The following CCDC158 variants were observed in gnomAD, a reference collection of about 807,000 sequenced individuals.
CCDC158 encodes the protein coiled-coil domain containing 158, also known as coiled-coil domain-containing protein 158.
In CCDC158, 116 loss-of-function variants were observed where a neutral mutation model predicts 138.6. The observed-to-expected ratio is 0.84, with a 90% confidence interval of 0.72 to 0.98. The LOEUF (loss-of-function observed/expected upper bound fraction) is 0.98, where lower values mean the gene tolerates loss of function less well. Ranked by LOEUF, CCDC158 falls within the 50% of genes least tolerant of loss-of-function variation. CCDC158 has a pLI of 0.00. For synonymous variants in CCDC158, 436 were observed against 442.4 expected, an observed-to-expected ratio of 0.99 and a Z score of 0.18; for missense variants, 1,265 against 1,306.1, an observed-to-expected ratio of 0.97 and a Z score of 0.48.
At chr4:76,326,075 C>A in intron 22 of CCDC158, 60 bp from the exon 23 acceptor site, 1 of 1,367,144 alleles carries the variant, frequency 7.3e-7, no homozygotes, top group Non-Finnish European at 1.0e-6. Flanking sequence ...GCAAACTGCA[C>A]CTCTCAAAAA....
chr4:76,330,314 A>C (rs1179686419), intron 21 of CCDC158, among the ~76,000 whole-genome samples: 1 of 152,208 alleles, frequency 6.6e-6, no homozygotes, highest in Non-Finnish European at 1.5e-5. Context: ...TTCATTTCTA[A>C]GGGAAAATAA....
At position 76,367,564 on chromosome 4, in the gene CCDC158, T is replaced by C; in HGVS notation, c.1560A>G (p.Thr520=). Residue 520 remains threonine, a synonymous_variant, in exon 12 of 25, where the codon ACA becomes ACG. Transcript: ENST00000682701. Reference sequence around the variant, plus strand: ...TCAAGTCCACCCGGGAGCGGAGCTTTGTGATCTCTGCATTGGTAGCCTCGA... The same window carrying C: ...TCAAGTCCACCCGGGAGCGGAGCTTCGTGATCTCTGCATTGGTAGCCTCGA... ...RAIEATNAEI[T]KLRSRVDLKL... The C allele has an allele frequency of 1.9e-6, 3 of 1,614,232 alleles. No homozygotes were observed. The highest frequency in any genetic ancestry group is 2.5e-6 in the Non-Finnish European group (3 of 1,180,038).
Position 76,372,589 on chromosome 4 carries a change from A to G in CCDC158, c.1030-1053T>C, listed in dbSNP as rs547560581. On this transcript the variant is annotated intron_variant, in intron 9 of 24. Coordinates refer to ENST00000682701, the MANE Select transcript of CCDC158 (RefSeq NM_001394954.1). Reference sequence around the variant, plus strand: ...GAATATAAAAGAATGAATGGTAACAAGTTATTAGCTATTGTCATTATTTTA... The same window carrying G: ...GAATATAAAAGAATGAATGGTAACAGGTTATTAGCTATTGTCATTATTTTA... Among the ~76,000 whole-genome samples the G allele has an allele frequency of 2.6e-4, 40 of 152,364 alleles. No homozygotes were observed. In the Middle Eastern group the frequency reaches 0.01, roughly 39 times the overall value.
intron 4 of CCDC158, among the ~76,000 whole-genome samples, chr4:76,391,442 A>G (rs970878285): frequency 2.0e-5 from 3 of 152,058 alleles, no homozygotes; most frequent in Admixed American, 1.3e-4. Context: ...GAGTCAATGA[A>G]GAAATTAAGA....
At chr4:76,347,610 G>A (rs1722682025) in intron 18 of CCDC158, among the ~76,000 whole-genome samples, 2 of 152,120 alleles carry the variant, frequency 1.3e-5, no homozygotes, top group Admixed American at 1.3e-4. Flanking sequence ...TAATGTAGAT[G>A]ACGGGTTGAT....
Position 76,323,422 on chromosome 4 carries a change from T to A in CCDC158, c.3170-13A>T. On this transcript the variant is annotated splice_polypyrimidine_tract_variant and intron_variant, in intron 23 of 24. Coordinates refer to ENST00000682701, the MANE Select transcript of CCDC158 (RefSeq NM_001394954.1). The stretch of plus-strand genomic sequence containing the variant: ...GGAGACTGTGAATCTATTAGAAAAT[T>A]GCTTAGATGTGATATTAAAAGTCTA... 6.3e-7 allele frequency: 1 copy of A among 1,577,112 alleles called. No homozygotes were observed. Among genetic ancestry groups the A allele is most frequent in the Non-Finnish European group, 8.7e-7 (1 of 1,152,654 alleles).
intron 24 of CCDC158, among the ~76,000 whole-genome samples, chr4:76,323,010 A>C (rs1472249791): frequency 6.6e-6 from 1 of 152,190 alleles, no homozygotes; most frequent in African/African-American, 2.4e-5. Context: ...GGTGTGTGGG[A>C]AAGTCCCATG....
At chr4:76,330,923 G>GA (rs1420469016) in intron 21 of CCDC158, among the ~76,000 whole-genome samples, 1 of 152,094 alleles carries the variant, frequency 6.6e-6, no homozygotes, top group Admixed American at 6.6e-5. Flanking sequence ...GAGACAGTAT[G>GA]AAAATATTTA....
At chr4:76,346,587 G>A (rs28863531) in intron 18 of CCDC158, among the ~76,000 whole-genome samples, 4,027 of 152,272 alleles carry the variant, frequency 0.026, 177 homozygotes, top group African/African-American at 0.092. Flanking sequence ...GCACGTGCCT[G>A]TAGTCCCAGC....
intron 18 of CCDC158, among the ~76,000 whole-genome samples, chr4:76,335,970 A>G (rs867943921): frequency 6.6e-6 from 1 of 151,810 alleles, no homozygotes; most frequent in Non-Finnish European, 1.5e-5. Context: ...TCACGAGGTC[A>G]GGAGATTGAG....
At chr4:76,328,018 T>A (rs557465577) in intron 22 of CCDC158, among the ~76,000 whole-genome samples, 39 of 152,164 alleles carry the variant, frequency 2.6e-4, no homozygotes, top group Non-Finnish European at 5.1e-4. Flanking sequence ...TTCAGTCACA[T>A]CTATTTTATT....
At chr4:76,343,228 T>A (rs563810552) in intron 18 of CCDC158, among the ~76,000 whole-genome samples, 91 of 152,252 alleles carry the variant, frequency 6.0e-4, no homozygotes, top group African/African-American at 2.0e-3. Context: ...GAATAAGAGA[T>A]CCCTCTTTAG....
chr4:76,399,573 G>A (rs1351812317), intron 3 of CCDC158, among the ~76,000 whole-genome samples: 1 of 152,202 alleles, frequency 6.6e-6, no homozygotes, highest in East Asian at 1.9e-4. Flanking sequence ...AATACTGGGA[G>A]CAAAAGCTGT....
intron 10 of CCDC158, among the ~76,000 whole-genome samples, chr4:76,371,014 G>A (rs1725184515): frequency 1.3e-5 from 2 of 152,154 alleles, no homozygotes; most frequent in African/African-American, 4.8e-5. Context: ...GCTTCATTAT[G>A]AGCACAATCA....
At chr4:76,313,515 C>T (rs1330838303) in intron 24 of CCDC158, among the ~76,000 whole-genome samples, 1 of 152,142 alleles carries the variant, frequency 6.6e-6, no homozygotes, top group African/African-American at 2.4e-5. Flanking sequence ...GTCTAAGACT[C>T]CTGGCCTCAA....
intron 9 of CCDC158, chr4:76,375,265 AC>A: frequency 6.0e-6 from 2 of 333,552 alleles, no homozygotes; most frequent in Non-Finnish European, 1.1e-5. Flanking sequence ...GGTTTGGATC[AC>A]TGGACAAATG....
intron 22 of CCDC158, 44 bp from the exon 23 acceptor site, chr4:76,326,059 A>C (rs1464030201): frequency 6.6e-7 from 1 of 1,516,964 alleles, no homozygotes; most frequent in Non-Finnish European, 9.0e-7. Flanking sequence ...GAATTAATTA[A>C]AAATAGCAAA....
intron 18 of CCDC158, among the ~76,000 whole-genome samples, chr4:76,340,968 T>C (rs2110132962): frequency 6.6e-6 from 1 of 152,228 alleles, no homozygotes; most frequent in Non-Finnish European, 1.5e-5. Flanking sequence ...GGGTAAAACT[T>C]GTACAGCTTT....
At chr4:76,419,712 C>G (rs904925355) in intron 1 of CCDC158, among the ~76,000 whole-genome samples, 2 of 151,786 alleles carry the variant, frequency 1.3e-5, no homozygotes, top group Non-Finnish European at 2.9e-5. Flanking sequence ...ATTTAGGACC[C>G]ACCTAGATAA....
Sources: allele counts gnomAD v4.1 joint callset (sites outside exome capture counted in the v4.1 genomes callset), GRCh38; gene constraint gnomAD v4.1.1; transcripts MANE v1.5; gene names NCBI Gene and HGNC (gene_info 2026-07-23, HGNC 2026-07-21).